Variants in CAND1 observed in about 807,000 individuals in gnomAD.
CAND1 encodes cullin associated and neddylation dissociated 1.
In CAND1, 7 loss-of-function variants were observed where a neutral mutation model predicts 108.5. The observed-to-expected ratio is 0.06, with a 90% CI of 0.04 to 0.12. The LOEUF is 0.12. CAND1 is among the 10% of genes least tolerant of loss of function. The pLI, the probability that CAND1 is intolerant of heterozygous loss-of-function variation, is 1.00. For synonymous variants in CAND1, 534 were observed against 512.0 expected (o/e 1.04, Z -0.58); for missense variants, 941 against 1,448.7 (o/e 0.65, Z 5.69).
rs113978643 is a variant in CAND1, at chr12:67,314,723, C to G, written c.*1893C>G. 54 of 152,262 alleles carry G rather than the reference C, an allele frequency of 3.5e-4. No homozygotes were observed. The highest frequency in any genetic ancestry group is 1.3e-3 in the African/African-American group (52 of 41,564). 9.4% of individuals were successfully genotyped at this position (152,262 alleles called of 1,614,324 possible). A position where few individuals can be genotyped will look rare whatever the true frequency, so the allele number is the denominator to read the frequency against. The stretch of plus-strand genomic sequence containing the variant: ...CTTCAGTTTGTTTGTTTTTAACTTT[C>G]AAGATGCATGTTTTGTTTTGTTTTG... On this transcript the variant is annotated 3_prime_UTR_variant, in exon 15 of 15. Coordinates refer to ENST00000545606, the MANE Select transcript of CAND1 (RefSeq NM_018448.5).
In CAND1 at chr12:67,292,970, T is replaced by C. The variant is rs562428140; in HGVS notation, c.367+194T>C. The C allele has an allele frequency of 2.9e-5, 15 of 522,624 alleles. No individual in the cohort carries two copies. The East Asian group carries it at 5.1e-4, about 18-fold the overall frequency. 32.4% of individuals were successfully genotyped at this position (522,624 alleles called of 1,614,324 possible). ...TAGAAATAAATGTTAAATGAATATT[T>C]TGATTGAACTTGTATGTAATATGAA... is the stretch of plus-strand genomic sequence containing the variant. On this transcript the variant is annotated intron_variant, in intron 3 of 14. Transcript: ENST00000545606.
Position 67,310,008 on chromosome 12 carries a change from T to C in CAND1, c.3133T>C (p.Leu1045=), listed in dbSNP as rs747426703. The change falls in exon 12 of 15, where the codon TTG becomes CTG. Residue 1045 remains leucine, a synonymous_variant. Transcript: ENST00000545606. ...HNKPSLIRDL[L]DTVLPHLYNE... Reference sequence around the variant, plus strand: ...CAAGCCATCATTAATAAGGGATCTATTGGATACTGTTCTTCCACATCTTTA... The same window carrying C: ...CAAGCCATCATTAATAAGGGATCTACTGGATACTGTTCTTCCACATCTTTA... 97 of 1,612,368 alleles carry C rather than the reference T, an allele frequency of 6.0e-5. No homozygotes were observed. The highest frequency in any genetic ancestry group is 3.3e-4 in the Middle Eastern group (2 of 6,054).
rs192888078 is a variant in CAND1, at chr12:67,283,386, C to A, written c.212+1333C>A. ...ATCACCTGAGGTCAGGAGTTGGAGACCAGCATGGGCAACATGTAGAAACCC... is the reference window on the plus strand; with the variant it reads ...ATCACCTGAGGTCAGGAGTTGGAGAACAGCATGGGCAACATGTAGAAACCC... On this transcript the variant is annotated intron_variant, in intron 2 of 14. Coordinates refer to ENST00000545606, the MANE Select transcript of CAND1 (RefSeq NM_018448.5). Among the ~76,000 whole-genome samples the A allele has an allele frequency of 9.9e-4, 151 of 152,148 alleles. 1 individual carries two copies. Among genetic ancestry groups the A allele is most frequent in the Admixed American group, 2.6e-3 (39 of 15,282 alleles).
Position 67,302,445 on chromosome 12 carries a change from G to A in CAND1, c.1123G>A (p.Val375Ile), listed in dbSNP as rs201484225. ...HEMLPEFYKT[V>I]SPALISRFKE... Reference sequence around the variant, plus strand: ...AATGCTTCCAGAATTCTACAAGACCGTCTCTCCTGCACTAATATCCAGATT... The same window carrying A: ...AATGCTTCCAGAATTCTACAAGACCATCTCTCCTGCACTAATATCCAGATT... The change falls in exon 8 of 15, where the codon GTC becomes ATC. Residue 375 changes from valine to isoleucine, a missense_variant. Coordinates refer to ENST00000545606, the MANE Select transcript of CAND1 (RefSeq NM_018448.5). 2.8e-4 allele frequency: 444 copies of A among 1,614,104 alleles called. 4 individuals carry two copies. The Middle Eastern group carries it at 9.2e-3, about 34-fold the overall frequency.
Position 67,306,453 on chromosome 12 carries a change from G to C in CAND1, c.2785G>C (p.Val929Leu). 6.2e-7 allele frequency: 1 copy of C among 1,614,038 alleles called. No homozygotes were observed. Among genetic ancestry groups the C allele is most frequent in the Non-Finnish European group, 8.5e-7 (1 of 1,179,966 alleles). Residue 929 changes from valine to leucine, a missense_variant, in exon 10 of 15, where the codon GTT becomes CTT. Physicochemically the swap from Val to Leu is conservative, Grantham distance 32. Transcript: ENST00000545606. ...SASVVGLKPY[V>L]ENIWALLLKH... ...ATCAGTGGTGGGCCTTAAACCATAT[G>C]TTGAAAACATCTGGGCCTTATTACT...
intron 3 of CAND1, 26 bp from the exon 4 acceptor site, chr12:67,295,007 T>C: frequency 6.2e-7 from 1 of 1,600,044 alleles, no homozygotes; most frequent in African/African-American, 1.3e-5. Context: ...TGCCTTGAAA[T>C]TATTATTGGC....
chr12:67,297,598 T>C lies in CAND1; in HGVS notation c.683T>C (p.Met228Thr). The change falls in exon 5 of 15, where the codon ATG becomes ACG. Residue 228 changes from methionine (M) to threonine (T), a missense_variant. Transcript: ENST00000545606. ...TCAGAGTTGTCCAAAAATGATTCTA[T>C]GTCAACAACAAGAACCTACATACAA... ...LLSELSKNDS[M>T]STTRTYIQCI... The C allele has an allele frequency of 3.7e-6, 6 of 1,614,110 alleles. No individual in the cohort carries two copies. Among genetic ancestry groups the C allele is most frequent in the Non-Finnish European group, 5.1e-6 (6 of 1,179,996 alleles).
intron 2 of CAND1, chr12:67,282,266 T>TA: frequency 2.4e-6 from 1 of 408,358 alleles, no homozygotes; most frequent in Non-Finnish European, 4.3e-6. Flanking sequence ...TATTTTCTTT[T>TA]AATTCTTACG....
rs900506916 is a variant in CAND1, at chr12:67,297,795, G to T, written c.796G>T (p.Val266Leu). The T allele has an allele frequency of 1.9e-6, 3 of 1,610,134 alleles. No individual in the cohort carries two copies. The highest frequency in any genetic ancestry group is 2.5e-6 in the Non-Finnish European group (3 of 1,177,144). ...TCCTTTGGTGGTAAAATTTTGCAATGTAGATGATGATGAATTAAGAGAGTA... is the reference window on the plus strand; with the variant it reads ...TCCTTTGGTGGTAAAATTTTGCAATTTAGATGATGATGAATTAAGAGAGTA... The part of the protein sequence containing the change: ...IIPLVVKFCN[V>L]DDDELREYCI... The change falls in exon 6 of 15, where the codon GTA (valine) becomes TTA (leucine). Residue 266 changes from valine to leucine, a missense_variant. Physicochemically the swap from Val to Leu is conservative, Grantham distance 32 (BLOSUM62 1). Around this residue, in one of 9 missense-constraint regions of CAND1, gnomAD observed 697 missense variants for 942.0 expected, o/e 0.74. Coordinates refer to ENST00000545606, the MANE Select transcript of CAND1 (RefSeq NM_018448.5).
intron 11 of CAND1, among the ~76,000 whole-genome samples, chr12:67,308,635 T>C (rs963429150): frequency 6.6e-6 from 1 of 152,046 alleles, no homozygotes; most frequent in Non-Finnish European, 1.5e-5. Context: ...TTTTAAAAAT[T>C]GAAATTGCTA....
At chr12:67,282,240 A>G (rs908081546) in intron 2 of CAND1, 187 bp downstream of exon 2, 20 of 492,044 alleles carry the variant, frequency 4.1e-5, no homozygotes, top group African/African-American at 3.1e-4. Flanking sequence ...CTTACAGCAT[A>G]TAAGTTACTA....
At position 67,269,529 on chromosome 12, in the gene CAND1, G is replaced by C. The variant is rs1565710081; in HGVS notation, c.-189G>C. ...GTAGCCTCGGCTTACCCCGGGACAG[G>C]CCCACGCCTCGCCAGGGAGGGGGCA... On this transcript the variant is annotated 5_prime_UTR_variant, in exon 1 of 15. Transcript: ENST00000545606. The C allele has an allele frequency of 7.0e-6, 4 of 567,870 alleles. No homozygotes were observed. The highest frequency in any genetic ancestry group is 1.2e-5 in the Non-Finnish European group (4 of 328,112). 35.2% of individuals were successfully genotyped at this position (567,870 alleles called of 1,614,324 possible).
chr12:67,294,689 T>C (rs537001998), intron 3 of CAND1, among the ~76,000 whole-genome samples: 2 of 152,358 alleles, frequency 1.3e-5, no homozygotes, highest in Non-Finnish European at 1.5e-5. Context: ...TTGTTTTCTG[T>C]GTCCTTTACC....
Position 67,311,773 on chromosome 12 carries a change from G to A in CAND1, c.3441G>A (p.Glu1147=). ...AVLQRLDRLV[E]PLRATCTTKV... ...TGCAGAGGTTGGACCGACTTGTTGA[G>A]CCATTACGTGCAACATGTACAACTA... The change falls in exon 14 of 15, where the codon GAG becomes GAA. Residue 1147 remains glutamate (E), a synonymous_variant. Transcript: ENST00000545606. 1 of 1,607,960 alleles carries A rather than the reference G, an allele frequency of 6.2e-7. No individual in the cohort carries two copies. Among genetic ancestry groups the A allele is most frequent in the Non-Finnish European group, 8.5e-7 (1 of 1,174,540 alleles).
At chr12:67,307,537 A>G in intron 11 of CAND1, 45 bp downstream of exon 11, 1 of 1,240,208 alleles carries the variant, frequency 8.1e-7, no homozygotes, top group Non-Finnish European at 1.2e-6. Flanking sequence ...GGACTTTAGA[A>G]TTCTCAAGAA....
At chr12:67,311,549 T>TGGCAAA in intron 13 of CAND1, 144 bp from the exon 14 acceptor site, 1 of 592,724 alleles carries the variant, frequency 1.7e-6, no homozygotes, top group Non-Finnish European at 3.0e-6. Flanking sequence ...GACAAATCTG[T>TGGCAAA]CTGATTCTGA....
At chr12:67,284,111 A>G (rs1730192154) in intron 2 of CAND1, among the ~76,000 whole-genome samples, 1 of 152,150 alleles carries the variant, frequency 6.6e-6, no homozygotes, top group Non-Finnish European at 1.5e-5. Context: ...TTCATCACCC[A>G]AAAGAAAGAT....
intron 1 of CAND1, among the ~76,000 whole-genome samples, chr12:67,280,732 G>A (rs2044611904): frequency 6.6e-6 from 1 of 152,158 alleles, no homozygotes; most frequent in Non-Finnish European, 1.5e-5. Context: ...AATCTGAGAT[G>A]CCGTTTATAC....
At chr12:67,297,066 G>A (rs916948139) in intron 4 of CAND1, among the ~76,000 whole-genome samples, 1 of 152,068 alleles carries the variant, frequency 6.6e-6, no homozygotes, top group Non-Finnish European at 1.5e-5. Context: ...CCAAAGTGCC[G>A]GGATTACAGG....
Sources: allele counts gnomAD v4.1 joint callset (sites outside exome capture counted in the v4.1 genomes callset), GRCh38; gene constraint gnomAD v4.1.1; regional missense constraint gnomAD v4.1.1; transcripts MANE v1.5; gene names NCBI Gene and HGNC (gene_info 2026-07-23, HGNC 2026-07-21).